The following ENO4 variants were observed in gnomAD, a reference collection of about 807,000 sequenced individuals.
ENO4 encodes enolase 4.
In ENO4, 53 loss-of-function variants were observed where a neutral mutation model predicts 63.2. That is an observed-to-expected ratio of 0.84 (90% confidence interval 0.67 to 1.05). The LOEUF (loss-of-function observed/expected upper bound fraction) is 1.05, where lower values mean the gene tolerates loss of function less well. Ranked by LOEUF, ENO4 falls within the 50% of genes least tolerant of loss-of-function variation. The pLI, the probability that ENO4 is intolerant of heterozygous loss-of-function variation, is 0.00. For synonymous variants in ENO4, 266 were observed against 283.8 expected (o/e 0.94, Z 0.63); for missense variants, 719 against 772.0 (o/e 0.93, Z 0.81).
chr10:116,860,668 T>G (rs1846385479), intron 4 of ENO4, 126 bp from the exon 5 acceptor site: 2 of 653,840 alleles, frequency 3.1e-6, no homozygotes, highest in African/African-American at 1.8e-5. Context: ...GAAAACTTTT[T>G]GGGGGTTGAG....
chr10:116,889,540 A>G (rs1162578291), intron 10 of ENO4, among the ~76,000 whole-genome samples: 3 of 152,168 alleles, frequency 2.0e-5, no homozygotes, highest in East Asian at 1.9e-4. Flanking sequence ...GACTAGGGCA[A>G]TCGTCTAGTC....
intron 10 of ENO4, 121 bp downstream of exon 10, chr10:116,874,322 C>A: frequency 2.1e-6 from 2 of 941,722 alleles, no homozygotes; most frequent in Non-Finnish European, 2.9e-6. Flanking sequence ...AATAAAATCT[C>A]ATTCTTTTGG....
intron 10 of ENO4, among the ~76,000 whole-genome samples, chr10:116,888,335 A>T (rs2133297973): frequency 6.6e-6 from 1 of 152,290 alleles, no homozygotes; most frequent in South Asian, 2.1e-4. Context: ...CACAATATTT[A>T]AAAGCCTGTG....
In ENO4 at chr10:116,879,278, A is replaced by G. The variant is rs1846929870; in HGVS notation, c.1538-13A>G. 4 of 1,541,876 alleles carry G rather than the reference A, an allele frequency of 2.6e-6. No individual in the cohort carries two copies. Among genetic ancestry groups the G allele is most frequent in the Middle Eastern group, 1.7e-4 (1 of 6,000 alleles). The stretch of plus-strand genomic sequence containing the variant: ...TCTACACCATATAAAACTGAAAGAA[A>G]TTCCTCTTCCAGGTAAGAAGCACAT... On this transcript the variant is annotated splice_polypyrimidine_tract_variant and intron_variant, in intron 11 of 13. Transcript: ENST00000341276.
chr10:116,902,489 A>T (rs1847783917), intron 10 of ENO4, among the ~76,000 whole-genome samples: 1 of 152,256 alleles, frequency 6.6e-6, no homozygotes, highest in South Asian at 2.1e-4. Flanking sequence ...ACACAGACAC[A>T]AAATCATAAA....
intron 10 of ENO4, among the ~76,000 whole-genome samples, chr10:116,909,254 T>C (rs996308847): frequency 6.6e-5 from 10 of 152,152 alleles, no homozygotes; most frequent in Non-Finnish European, 1.3e-4. Flanking sequence ...CTGTGGTCAT[T>C]TAACAACCTT....
chr10:116,911,358 C>A, intron 10 of ENO4: 1 of 1,124,184 alleles, frequency 8.9e-7, no homozygotes, highest in Non-Finnish European at 1.2e-6. Context: ...GAAAGGCAGA[C>A]TGTGACCCTG....
At chr10:116,883,115 T>A (rs1360794383), downstream of ENO4, 5 of 152,090 alleles carry the variant, frequency 3.3e-5, no homozygotes, top group Non-Finnish European at 5.9e-5. Flanking sequence ...AAGAGGTGAT[T>A]TATTACAATA....
chr10:116,899,727 T>C lies in ENO4; in HGVS notation c.1195-11772T>C, dbSNP rs117092502. The stretch of plus-strand genomic sequence containing the variant: ...GTTAACTACTAGAATGCAAAGACAG[T>C]TTTTAAAAGCAAAGGAAATACTTTA... On this transcript the variant is annotated intron_variant, in intron 10 of 10. Coordinates refer to the ENO4 transcript ENST00000369207. Among the ~76,000 whole-genome samples the C allele has an allele frequency of 4.7e-4, 71 of 152,268 alleles. 1 individual carries two copies. In the East Asian group the frequency reaches 0.013, roughly 29 times the overall value.
At chr10:116,901,499 G>C (rs1160882450) in intron 10 of ENO4, 6 of 984,962 alleles carry the variant, frequency 6.1e-6, no homozygotes, top group Non-Finnish European at 7.2e-6. Context: ...GTATCATCCA[G>C]ATCAATTATT....
chr10:116,862,793 T>C lies in ENO4; in HGVS notation c.937-6T>C. 1.3e-6 allele frequency: 2 copies of C among 1,549,082 alleles called. No homozygotes were observed. The highest frequency in any genetic ancestry group is 1.7e-6 in the Non-Finnish European group (2 of 1,145,640). ...CTGTGGAAGATCATGGTTGTTCTAC[T>C]TACAGGGTGTCGAGATGCTTATGGA... On this transcript the variant is annotated splice_polypyrimidine_tract_variant and splice_region_variant and intron_variant, in intron 6 of 13. Coordinates refer to ENST00000341276, the MANE Select transcript of ENO4 (RefSeq NM_001242699.2).
chr10:116,866,245 G>A (rs1028535285), intron 7 of ENO4, among the ~76,000 whole-genome samples: 1 of 152,206 alleles, frequency 6.6e-6, no homozygotes, highest in Non-Finnish European at 1.5e-5. Context: ...GGTGTTACAC[G>A]TTTGGAAGCT....
At chr10:116,884,039 T>C (rs1847095158), downstream of ENO4, 2 of 237,606 alleles carry the variant, frequency 8.4e-6, no homozygotes, top group South Asian at 8.3e-5. Flanking sequence ...AAAAAAATCC[T>C]CTATAGCGCA....
At chr10:116,863,159 A>C (rs753701784) in intron 7 of ENO4, among the ~76,000 whole-genome samples, 8 of 152,216 alleles carry the variant, frequency 5.3e-5, no homozygotes, top group Non-Finnish European at 1.2e-4. Context: ...GATGGAATGA[A>C]GGCAGAGACT....
intron 1 of ENO4, among the ~76,000 whole-genome samples, chr10:116,853,972 C>T (rs1461425664): frequency 6.6e-6 from 1 of 152,150 alleles, no homozygotes; most frequent in Non-Finnish European, 1.5e-5. Flanking sequence ...GTGCCTTCAC[C>T]TTCCCTCCTT....
At chr10:116,856,173 T>A (rs1846251615) in intron 2 of ENO4, among the ~76,000 whole-genome samples, 1 of 152,214 alleles carries the variant, frequency 6.6e-6, no homozygotes, top group African/African-American at 2.4e-5. Flanking sequence ...GCTACATATT[T>A]GTTAGAAATA....
chr10:116,856,386 T>C (rs1030969735), intron 2 of ENO4, 106 bp from the exon 3 acceptor site: 2 of 879,028 alleles, frequency 2.3e-6, no homozygotes, highest in Non-Finnish European at 3.4e-6. Flanking sequence ...CATTGTCCCC[T>C]TGAAATTGGT....
chr10:116,862,120 C>G (rs1473836191), intron 6 of ENO4, among the ~76,000 whole-genome samples: 1 of 152,144 alleles, frequency 6.6e-6, no homozygotes, highest in Non-Finnish European at 1.5e-5. Flanking sequence ...ACTGATTCAG[C>G]CACTCTAATC....
intron 7 of ENO4, among the ~76,000 whole-genome samples, chr10:116,867,966 A>T (rs1424800511): frequency 1.3e-5 from 2 of 152,118 alleles, no homozygotes; most frequent in Non-Finnish European, 2.9e-5. Context: ...AACCATACCT[A>T]TGCTTGACAA....
Sources: allele counts gnomAD v4.1 joint callset (sites outside exome capture counted in the v4.1 genomes callset), GRCh38; gene constraint gnomAD v4.1.1; transcripts MANE v1.5; gene names NCBI Gene and HGNC (gene_info 2026-07-23, HGNC 2026-07-21).